SGIP1: variants seen among roughly 807,000 people sequenced by gnomAD.
SGIP1 encodes SH3GL interacting endocytic adaptor 1, also known as SH3-containing GRB2-like protein 3-interacting protein 1.
In SGIP1, 38 loss-of-function variants were observed where a neutral mutation model predicts 107.5. The ratio of observed to expected loss-of-function variants is 0.35; its 90% CI spans 0.27 to 0.46. The LOEUF (loss-of-function observed/expected upper bound fraction) is 0.46, where lower values mean the gene tolerates loss of function less well. Ranked by LOEUF, SGIP1 falls within the 20% of genes least tolerant of loss-of-function variation. The pLI is 1.00. For missense variants in SGIP1, 929 were observed against 1,019.5 expected (o/e 0.91, Z 1.21); for synonymous variants, 365 against 366.1 (o/e 1.00, Z 0.03).
Position 66,746,437 on chromosome 1 carries a change from T to A in SGIP1, c.*3342T>A, listed in dbSNP as rs1200794476. The A allele has an allele frequency of 1.3e-5, 2 of 152,140 alleles. No individual in the cohort carries two copies. The highest frequency in any genetic ancestry group is 2.4e-5 in the African/African-American group (1 of 41,450). The allele number at this position is 152,140 out of a possible 1,614,324, so 9.4% of individuals were successfully genotyped here. On this transcript the variant is annotated 3_prime_UTR_variant, in exon 25 of 25. Coordinates refer to ENST00000371037, the MANE Select transcript of SGIP1 (RefSeq NM_032291.4). ...TACCATAACAGTACACAATGATCTA[T>A]CATGTGTCTTCCAACTCTGAAGTTC...
chr1:66,739,809 G>T (rs2094388839), intron 22 of SGIP1, among the ~76,000 whole-genome samples: 1 of 152,188 alleles, frequency 6.6e-6, no homozygotes. Flanking sequence ...CCACAATCCC[G>T]GGAAGGAGAG....
chr1:66,726,010 G>A (rs1304699355), intron 19 of SGIP1, among the ~76,000 whole-genome samples: 1 of 152,210 alleles, frequency 6.6e-6, no homozygotes, highest in East Asian at 1.9e-4. Context: ...TGTACTACAT[G>A]AGTCAGATGA....
rs1557866184 is a variant in SGIP1, at chr1:66,750,182, C to A, written c.*7087C>A. On this transcript the variant is annotated 3_prime_UTR_variant, in exon 25 of 25. Coordinates refer to ENST00000371037, the MANE Select transcript of SGIP1 (RefSeq NM_032291.4). The stretch of plus-strand genomic sequence containing the variant: ...ATCTTATCTATGAACAGAGCTTCAC[C>A]ACAGGCCAAGCAGTAATGTATACAG... Among the ~76,000 whole-genome samples the A allele has an allele frequency of 1.3e-5, 2 of 152,080 alleles. No individual in the cohort carries two copies. Among genetic ancestry groups the A allele is most frequent in the Non-Finnish European group, 2.9e-5 (2 of 67,998 alleles).
intron 7 of SGIP1, among the ~76,000 whole-genome samples, chr1:66,656,414 C>T (rs1341978269): frequency 1.3e-5 from 2 of 152,104 alleles, no homozygotes; most frequent in Non-Finnish European, 2.9e-5. Flanking sequence ...ATACATAAAC[C>T]AGTAACAGCC....
At chr1:66,556,009 T>G (rs994752830) in intron 1 of SGIP1, among the ~76,000 whole-genome samples, 1 of 152,160 alleles carries the variant, frequency 6.6e-6, no homozygotes, top group African/African-American at 2.4e-5. Context: ...AGCATTATTC[T>G]ATGTTACCTC....
chr1:66,567,863 A>G (rs2059872562), intron 1 of SGIP1, among the ~76,000 whole-genome samples: 1 of 152,066 alleles, frequency 6.6e-6, no homozygotes, highest in Non-Finnish European at 1.5e-5. Flanking sequence ...CTTGGTCTAC[A>G]TGTCTGCTTT....
chr1:66,549,702 A>G lies in SGIP1; in HGVS notation c.10+15334A>G, dbSNP rs1442372429. ...CCAGAACTTGCTACAAGATGATACC[A>G]AAATGTTTTTTTACAATACTCTTGG... On this transcript the variant is annotated intron_variant, in intron 1 of 24. Coordinates refer to ENST00000371037, the MANE Select transcript of SGIP1 (RefSeq NM_032291.4). 1.4e-4 allele frequency among the ~76,000 whole-genome samples: 22 copies of G among 152,240 alleles called. 1 individual carries two copies. The highest frequency in any genetic ancestry group is 1.5e-5 in the Non-Finnish European group (1 of 68,014).
chr1:66,699,948 A>G lies in SGIP1; in HGVS notation c.1630+4455A>G, dbSNP rs549013057. Among the ~76,000 whole-genome samples, 3 of 152,316 alleles carry G rather than the reference A, an allele frequency of 2.0e-5. No homozygotes were observed. In the South Asian group the frequency reaches 6.2e-4, roughly 32 times the overall value. On this transcript the variant is annotated intron_variant, in intron 18 of 24. Transcript: ENST00000371037. ...ATAAAAATAATAATGAATATGAGTAACTAACATCTGAGTATTTACCATGTG... is the reference window on the plus strand; with the variant it reads ...ATAAAAATAATAATGAATATGAGTAGCTAACATCTGAGTATTTACCATGTG...
At chr1:66,642,329 T>C (rs1269782093) in intron 5 of SGIP1, among the ~76,000 whole-genome samples, 1 of 152,148 alleles carries the variant, frequency 6.6e-6, no homozygotes, top group African/African-American at 2.4e-5. Flanking sequence ...GCTCCTACTC[T>C]GCCCTCTCCT....
chr1:66,645,489 A>C (rs2077502200), intron 7 of SGIP1, among the ~76,000 whole-genome samples: 1 of 152,164 alleles, frequency 6.6e-6, no homozygotes, highest in Non-Finnish European at 1.5e-5. Context: ...CAGAGTGAAA[A>C]CTAGATGGAG....
intron 1 of SGIP1, among the ~76,000 whole-genome samples, chr1:66,542,884 T>C (rs2055343681): frequency 6.6e-6 from 1 of 152,190 alleles, no homozygotes; most frequent in African/African-American, 2.4e-5. Context: ...CAGCCAGGCT[T>C]GACTCCTAGT....
chr1:66,637,666 A>G (rs1055604386), intron 4 of SGIP1, among the ~76,000 whole-genome samples: 1 of 151,646 alleles, frequency 6.6e-6, no homozygotes, highest in South Asian at 2.1e-4. Context: ...TAGATCGTCA[A>G]ATTTAGAACT....
intron 7 of SGIP1, among the ~76,000 whole-genome samples, chr1:66,646,314 A>G (rs1419476033): frequency 1.3e-5 from 2 of 152,198 alleles, no homozygotes; most frequent in African/African-American, 4.8e-5. Flanking sequence ...CAGGCACTAA[A>G]AAGGAAATAG....
At chr1:66,558,694 A>T (rs2058522962) in intron 1 of SGIP1, among the ~76,000 whole-genome samples, 1 of 151,752 alleles carries the variant, frequency 6.6e-6, no homozygotes, top group Non-Finnish European at 1.5e-5. Flanking sequence ...ACTGTGCTAG[A>T]TGGGCAGTTG....
At chr1:66,571,237 C>T (rs2060335485) in intron 1 of SGIP1, among the ~76,000 whole-genome samples, 1 of 151,948 alleles carries the variant, frequency 6.6e-6, no homozygotes, top group Non-Finnish European at 1.5e-5. Flanking sequence ...GGTCCTAGGA[C>T]ATTACATCAG....
chr1:66,702,865 G>A (rs571970235), intron 18 of SGIP1, among the ~76,000 whole-genome samples: 1 of 152,288 alleles, frequency 6.6e-6, no homozygotes, highest in East Asian at 1.9e-4. Flanking sequence ...CCCCAGAGAG[G>A]AATGGAACCC....
chr1:66,667,188 C>G (rs1571525618), intron 8 of SGIP1, among the ~76,000 whole-genome samples: 1 of 152,154 alleles, frequency 6.6e-6, no homozygotes, highest in East Asian at 1.9e-4. Flanking sequence ...TACCCCCCCC[C>G]AAACTATCTG....
intron 1 of SGIP1, among the ~76,000 whole-genome samples, chr1:66,576,598 A>G (rs2061100256): frequency 1.3e-5 from 2 of 152,188 alleles, no homozygotes. Flanking sequence ...ATATTAATAC[A>G]TATCTCAAGA....
intron 7 of SGIP1, among the ~76,000 whole-genome samples, chr1:66,655,565 A>C (rs895048251): frequency 1.3e-5 from 2 of 152,198 alleles, no homozygotes; most frequent in African/African-American, 4.8e-5. Flanking sequence ...ACTTACACAA[A>C]CCTAGATGGT....
Sources: gnomAD v4.1 joint callset for allele counts (sites outside exome capture counted in the v4.1 genomes callset) on GRCh38, gnomAD v4.1.1 for gene constraint, MANE v1.5 for transcripts, NCBI Gene and HGNC (gene_info 2026-07-23, HGNC 2026-07-21) for gene names.